Variants in PLSCR4 observed in about 807,000 individuals in gnomAD.
PLSCR4 encodes phospholipid scramblase 4, also known as Ca(2+)-dependent phospholipid scramblase 4.
In PLSCR4, 25 loss-of-function variants were observed where a neutral mutation model predicts 36.3. That is an observed-to-expected ratio of 0.69 (90% CI 0.50 to 0.96). The LOEUF (loss-of-function observed/expected upper bound fraction) is 0.96. PLSCR4 is among the 40% of genes least tolerant of loss of function. The probability of loss-of-function intolerance (pLI) is 0.00; values close to 1 mark genes in which losing one functional copy is unlikely to be tolerated. For synonymous variants in PLSCR4, 122 were observed against 132.9 expected (o/e 0.92, Z 0.56); for missense variants, 408 against 414.7 (o/e 0.98, Z 0.14).
intron 1 of PLSCR4, among the ~76,000 whole-genome samples, chr3:146,229,262 G>A (rs530271543): frequency 4.6e-5 from 7 of 152,258 alleles, no homozygotes; most frequent in East Asian, 1.9e-4. Context: ...TAGGGAGGCC[G>A]ATCATGCCAG....
intron 1 of PLSCR4, among the ~76,000 whole-genome samples, chr3:146,233,773 G>A (rs2035810081): frequency 6.6e-6 from 1 of 152,094 alleles, no homozygotes; most frequent in South Asian, 2.1e-4. Flanking sequence ...ACCAGCATCA[G>A]AGGCCAACTT....
At chr3:146,227,987 T>C (rs932957813) in intron 1 of PLSCR4, among the ~76,000 whole-genome samples, 1 of 152,248 alleles carries the variant, frequency 6.6e-6, no homozygotes, top group African/African-American at 2.4e-5. Flanking sequence ...TAGTGTATTC[T>C]GACACACTTC....
intron 1 of PLSCR4, among the ~76,000 whole-genome samples, chr3:146,240,705 C>G (rs1267280277): frequency 1.3e-5 from 1 of 79,396 alleles, no homozygotes; most frequent in African/African-American, 2.8e-5. Flanking sequence ...ATGTAGATAT[C>G]GAAACCTTCA....
At position 146,237,058 on chromosome 3, in the gene PLSCR4, A is replaced by C. The variant is rs79404142; in HGVS notation, c.-22+13902T>G. 1.9e-3 allele frequency among the ~76,000 whole-genome samples: 277 copies of C among 148,576 alleles called. 7 individuals carry two copies. The East Asian group carries it at 0.047, about 25-fold the overall frequency. On this transcript the variant is annotated intron_variant, in intron 1 of 8. Transcript: ENST00000354952. ...GGATTAAAAAAAGAAAAGAAAAAAA[A>C]GAGAGAAAACATGATCCAACTATAC...
intron 4 of PLSCR4, among the ~76,000 whole-genome samples, chr3:146,205,486 C>G (rs1247420424): frequency 6.6e-6 from 1 of 151,904 alleles, no homozygotes; most frequent in African/African-American, 2.4e-5. Flanking sequence ...ATCCAAATTC[C>G]CAGCATTACT....
rs779281159 is a variant in PLSCR4 at position 146,199,841 on chromosome 3, C to A, written c.596G>T (p.Cys199Phe). Residue 199 changes from cysteine to phenylalanine, a missense_variant, in exon 6 of 9, where the codon TGC (cysteine) becomes TTC (phenylalanine). Cys to Phe is a radical substitution (Grantham distance 205, BLOSUM62 -2). Transcript: ENST00000354952. ...TTGTCTGGCAGAGGGGCAACAGAAG[C>A]AACAGCAGGTGCATCTGAAGGGTCT... ...MQRPFRCTCC[C>F]FCCPSARQEL... 37 of 1,613,336 alleles carry A rather than the reference C, an allele frequency of 2.3e-5. 5 individuals are homozygous for A. Among genetic ancestry groups the A allele is most frequent in the East Asian group, 6.7e-5 (3 of 44,842 alleles).
intron 3 of PLSCR4, among the ~76,000 whole-genome samples, chr3:146,215,442 G>A (rs1389758692): frequency 6.6e-6 from 1 of 151,994 alleles, no homozygotes; most frequent in Non-Finnish European, 1.5e-5. Context: ...ATTCTGAAAT[G>A]AAAAAGATGG....
chr3:146,195,016 C>G, intron 8 of PLSCR4, 108 bp downstream of exon 8: 1 of 885,874 alleles, frequency 1.1e-6, no homozygotes, highest in Non-Finnish European at 1.7e-6. Context: ...GTAAGTGGCA[C>G]AGAGATAAGT....
At chr3:146,201,959 G>C (rs191150328) in intron 4 of PLSCR4, among the ~76,000 whole-genome samples, 6 of 152,116 alleles carry the variant, frequency 3.9e-5, no homozygotes, top group Admixed American at 1.3e-4. Flanking sequence ...AACACTGCCT[G>C]AAGTGCCATA....
chr3:146,200,271 T>G (rs1342288800), intron 5 of PLSCR4, among the ~76,000 whole-genome samples: 1 of 151,972 alleles, frequency 6.6e-6, no homozygotes, highest in Non-Finnish European at 1.5e-5. Flanking sequence ...TTAAAAAAAT[T>G]TTACATAAAA....
chr3:146,196,699 T>C lies in PLSCR4; in HGVS notation c.719A>G (p.Lys240Arg). Residue 240 changes from lysine (K) to arginine (R), a missense_variant, in exon 7 of 9, where the codon AAA becomes AGA. Physicochemically the swap from Lys to Arg is conservative, Grantham distance 26. Coordinates refer to ENST00000354952, the MANE Select transcript of PLSCR4 (RefSeq NM_020353.3). ...RAVYSIQNEK[K>R]ENVMRVRGPC... The stretch of plus-strand genomic sequence containing the variant: ...CCCACGAACTCTCATCACATTTTCT[T>C]TCTTCTCATTTTGGATGCTGTACAC... The C allele has an allele frequency of 6.2e-7, 1 of 1,614,036 alleles. No homozygotes were observed. The highest frequency in any genetic ancestry group is 8.5e-7 in the Non-Finnish European group (1 of 1,179,938).
At chr3:146,226,707 G>C (rs960381125) in intron 1 of PLSCR4, among the ~76,000 whole-genome samples, 4 of 152,172 alleles carry the variant, frequency 2.6e-5, no homozygotes, top group Non-Finnish European at 5.9e-5. Context: ...AGGCATGTCT[G>C]AGACTAATTC....
intron 1 of PLSCR4, among the ~76,000 whole-genome samples, chr3:146,232,988 T>C (rs1297773192): frequency 6.6e-6 from 1 of 152,138 alleles, no homozygotes; most frequent in Non-Finnish European, 1.5e-5. Flanking sequence ...TGACTACCTA[T>C]AAATTCTGGA....
At chr3:146,195,327 A>T in intron 7 of PLSCR4, 45 bp from the exon 8 acceptor site, 2 of 1,482,474 alleles carry the variant, frequency 1.3e-6, no homozygotes, top group Non-Finnish European at 1.9e-6. Context: ...AAACGCATTG[A>T]AGCATGTTTT....
chr3:146,220,685 G>T, intron 3 of PLSCR4, 130 bp downstream of exon 3: 1 of 653,032 alleles, frequency 1.5e-6, no homozygotes. Context: ...AAACTATGTG[G>T]CACCCTATTG....
intron 3 of PLSCR4, among the ~76,000 whole-genome samples, chr3:146,211,995 A>AT (rs1240256174): frequency 6.6e-6 from 1 of 151,388 alleles, no homozygotes; most frequent in African/African-American, 2.4e-5. Flanking sequence ...GAGTCCTCCA[A>AT]TTTTTTTTCA....
intron 3 of PLSCR4, among the ~76,000 whole-genome samples, chr3:146,210,889 G>A (rs2034583687): frequency 6.6e-6 from 1 of 151,634 alleles, no homozygotes; most frequent in Non-Finnish European, 1.5e-5. Flanking sequence ...GTTCATCCAT[G>A]TTGTAGCACA....
intron 1 of PLSCR4, among the ~76,000 whole-genome samples, chr3:146,225,928 G>C (rs2035455508): frequency 6.6e-6 from 1 of 152,224 alleles, no homozygotes; most frequent in Non-Finnish European, 1.5e-5. Flanking sequence ...TGGGAGCCCA[G>C]GCAGAGGAGG....
At chr3:146,206,219 A>G (rs1382437822) in intron 4 of PLSCR4, among the ~76,000 whole-genome samples, 1 of 152,116 alleles carries the variant, frequency 6.6e-6, no homozygotes, top group Non-Finnish European at 1.5e-5. Flanking sequence ...AGCAAATAAC[A>G]CAACTATCCT....
Sources: allele counts gnomAD v4.1 joint callset (sites outside exome capture counted in the v4.1 genomes callset), GRCh38; gene constraint gnomAD v4.1.1; transcripts MANE v1.5; gene names NCBI Gene and HGNC (gene_info 2026-07-23, HGNC 2026-07-21).